The following TCERG1L variants were observed in gnomAD, a reference collection of about 807,000 sequenced individuals.
TCERG1L encodes the protein transcription elongation regulator 1-like protein.
TCERG1L carries 37 observed loss-of-function variants against 56.3 expected under a neutral mutation model. That is an observed-to-expected ratio of 0.66 (90% CI 0.51 to 0.87). The LOEUF is 0.87. Among genes scored for constraint, TCERG1L ranks in the 40% least tolerant of loss-of-function variants. The pLI is 0.00. For missense variants in TCERG1L, 799 were observed against 774.2 expected (o/e 1.03, Z -0.38); for synonymous variants, 324 against 326.3 (o/e 0.99, Z 0.08).
At chr10:131,219,144 C>CA (rs1845703998) in intron 4 of TCERG1L, among the ~76,000 whole-genome samples, 1 of 152,096 alleles carries the variant, frequency 6.6e-6, no homozygotes, top group Non-Finnish European at 1.5e-5. Flanking sequence ...GTCATGATGG[C>CA]CCTCCCTGGC....
At chr10:131,095,877 T>A (rs917740305) in intron 11 of TCERG1L, 2 of 152,262 alleles carry the variant, frequency 1.3e-5, no homozygotes, top group Non-Finnish European at 2.9e-5. Flanking sequence ...GTATGTCATC[T>A]TTTTTAAATG....
At chr10:131,190,155 C>A (rs11591747) in intron 4 of TCERG1L, among the ~76,000 whole-genome samples, 26,767 of 151,942 alleles carry the variant, frequency 0.18, 2,533 homozygotes, top group Middle Eastern at 0.23. Context: ...TCTCTATATG[C>A]GCCAACTAGA....
rs1343474743 is a variant in TCERG1L at position 131,235,223 on chromosome 10, A to G, written c.856+25036T>C. Among the ~76,000 whole-genome samples, 5 of 152,230 alleles carry G rather than the reference A, an allele frequency of 3.3e-5. No individual in the cohort carries two copies. In the East Asian group the frequency reaches 9.6e-4, roughly 29 times the overall value. ...GTTTACCCTTACCACATGTACCAAC[A>G]AAGTAGTTTTCTAAGGCAATTTCAA... On this transcript the variant is annotated intron_variant, in intron 4 of 11. Transcript: ENST00000368642.
intron 3 of TCERG1L, among the ~76,000 whole-genome samples, chr10:131,265,410 T>C (rs868665510): frequency 1.5e-4 from 23 of 152,330 alleles, no homozygotes; most frequent in Middle Eastern, 6.8e-3. Flanking sequence ...AAGTTAATCA[T>C]ATCAACAGAA....
chr10:131,284,635 C>A (rs891622037), intron 3 of TCERG1L, among the ~76,000 whole-genome samples: 2 of 151,642 alleles, frequency 1.3e-5, no homozygotes, highest in African/African-American at 4.9e-5. Flanking sequence ...AATGGACAAA[C>A]CTCTAGTGGA....
intron 11 of TCERG1L, among the ~76,000 whole-genome samples, chr10:131,097,843 T>A (rs1845265826): frequency 6.6e-6 from 1 of 152,236 alleles, no homozygotes; most frequent in African/African-American, 2.4e-5. Context: ...TATCAAATCT[T>A]CATTTTACTC....
At chr10:131,121,643 G>A (rs1003716456) in intron 8 of TCERG1L, among the ~76,000 whole-genome samples, 8 of 152,212 alleles carry the variant, frequency 5.3e-5, no homozygotes, top group Admixed American at 1.3e-4. Context: ...CCCTGCAGAC[G>A]GACGGCTCCA....
intron 3 of TCERG1L, among the ~76,000 whole-genome samples, chr10:131,292,572 T>C (rs1319481352): frequency 6.6e-6 from 1 of 152,226 alleles, no homozygotes; most frequent in Non-Finnish European, 1.5e-5. Context: ...TTCACCGTAT[T>C]CCATGTTTGG....
intron 4 of TCERG1L, among the ~76,000 whole-genome samples, chr10:131,215,099 C>A (rs912930161): frequency 1.3e-5 from 2 of 152,174 alleles, no homozygotes; most frequent in Admixed American, 6.5e-5. Context: ...CGCTGTGACG[C>A]ACTCATACTC....
intron 6 of TCERG1L, among the ~76,000 whole-genome samples, chr10:131,149,699 C>G (rs10741243): frequency 0.82 from 125,240 of 152,176 alleles, 53,056 homozygotes; most frequent in South Asian, 0.93. Context: ...GGCTCTTTGG[C>G]AACACGTAGG....
chr10:131,310,733 G>C (rs1038660079), intron 1 of TCERG1L, among the ~76,000 whole-genome samples: 23 of 152,204 alleles, frequency 1.5e-4, no homozygotes, highest in Admixed American at 1.4e-3. Flanking sequence ...GGAATCTCCG[G>C]TAACATCCCT....
At chr10:131,296,930 T>C (rs995836138) in intron 3 of TCERG1L, among the ~76,000 whole-genome samples, 2 of 152,234 alleles carry the variant, frequency 1.3e-5, no homozygotes, top group African/African-American at 4.8e-5. Context: ...TTTTGTACAT[T>C]GACCTTGCAT....
intron 3 of TCERG1L, among the ~76,000 whole-genome samples, chr10:131,274,510 C>T (rs538074113): frequency 3.3e-5 from 5 of 152,318 alleles, no homozygotes; most frequent in Middle Eastern, 3.4e-3. Context: ...ATTTCATCTG[C>T]GTGCCCCTCC....
intron 7 of TCERG1L, among the ~76,000 whole-genome samples, chr10:131,140,958 G>A (rs1436313232): frequency 1.3e-5 from 2 of 152,092 alleles, no homozygotes; most frequent in African/African-American, 4.8e-5. Flanking sequence ...CACAGATGCT[G>A]AAACTGGACT....
intron 4 of TCERG1L, among the ~76,000 whole-genome samples, chr10:131,252,351 G>T (rs1405010118): frequency 6.6e-6 from 1 of 152,084 alleles, no homozygotes; most frequent in Admixed American, 6.6e-5. Flanking sequence ...GTTGCTTTAG[G>T]GATGTTCGTT....
chr10:131,113,323 C>T (rs887272312), intron 9 of TCERG1L, among the ~76,000 whole-genome samples: 1 of 142,402 alleles, frequency 7.0e-6, no homozygotes. Context: ...CAGGCACCTC[C>T]CCTTCCCTGG....
chr10:131,256,978 AAGGAAGGAAG>A (rs1846171105), intron 4 of TCERG1L, among the ~76,000 whole-genome samples: 1 of 79,534 alleles, frequency 1.3e-5, no homozygotes, highest in African/African-American at 4.5e-5. Flanking sequence ...GGAAGGAAGG[AAGGAAGGAAG>A]GAAGGAAAGA....
chr10:131,142,139 G>A (rs910598658), intron 7 of TCERG1L, among the ~76,000 whole-genome samples: 5 of 152,216 alleles, frequency 3.3e-5, no homozygotes, highest in East Asian at 3.9e-4. Context: ...GCAAAGAGGC[G>A]GCTCAGGCCC....
rs74457085 is a variant in TCERG1L at position 131,143,343 on chromosome 10, C to T, written c.1189+3163G>A. Among the ~76,000 whole-genome samples, 2,959 of 152,190 alleles carry T rather than the reference C, an allele frequency of 0.019. 126 individuals carry two copies. The East Asian group carries it at 0.2, about 10-fold the overall frequency. ...TTACCCCAGGGCTCCGGGTCCTCCT[C>T]GACCCCTTGGAGGCACTAACAGAGA... On this transcript the variant is annotated intron_variant, in intron 7 of 11. Transcript: ENST00000368642.
Sources: gnomAD v4.1 joint callset for allele counts (sites outside exome capture counted in the v4.1 genomes callset) on GRCh38, gnomAD v4.1.1 for gene constraint, MANE v1.5 for transcripts, NCBI Gene and HGNC (gene_info 2026-07-23, HGNC 2026-07-21) for gene names.